SGCZ: variants seen among roughly 807,000 people sequenced by gnomAD.
The protein encoded by SGCZ is sarcoglycan zeta.
Under a neutral mutation model 41.3 loss-of-function variants are expected in SGCZ, and 40 were observed. The observed-to-expected ratio is 0.97, with a 90% CI of 0.75 to 1.26. SGCZ has a LOEUF of 1.26. Among genes scored for constraint, SGCZ ranks in the 50% most tolerant of loss-of-function variants. The pLI is 0.00. For missense variants in SGCZ, 552 were observed against 369.8 expected (o/e 1.49, Z -4.04); for synonymous variants, 206 against 137.5 (o/e 1.50, Z -3.49).
intron 1 of SGCZ, among the ~76,000 whole-genome samples, chr8:14,965,317 A>C (rs17120656): frequency 0.03 from 4,629 of 152,162 alleles, 235 homozygotes; most frequent in African/African-American, 0.1. Context: ...CACTTTTCCT[A>C]GAGTGAAGTT....
intron 1 of SGCZ, among the ~76,000 whole-genome samples, chr8:15,177,634 T>C (rs1450565345): frequency 2.6e-5 from 4 of 152,204 alleles, no homozygotes; most frequent in African/African-American, 9.6e-5. Context: ...GTAAGGTCAA[T>C]ATTCAAAGCA....
At chr8:14,484,886 A>G (rs930191306) in intron 2 of SGCZ, among the ~76,000 whole-genome samples, 4 of 152,182 alleles carry the variant, frequency 2.6e-5, no homozygotes, top group African/African-American at 9.6e-5. Context: ...AATAAGATAA[A>G]TTAAATGCTT....
chr8:14,940,184 T>G (rs1800223287), intron 1 of SGCZ, among the ~76,000 whole-genome samples: 1 of 152,144 alleles, frequency 6.6e-6, no homozygotes, highest in African/African-American at 2.4e-5. Context: ...TCTTCAGATT[T>G]ATACCAGGCA....
chr8:14,244,298 G>A (rs1218686369), intron 3 of SGCZ, among the ~76,000 whole-genome samples: 3 of 149,828 alleles, frequency 2.0e-5, no homozygotes, highest in African/African-American at 7.4e-5. Flanking sequence ...TTCTTCCCCA[G>A]AGCAAGGTTG....
intron 1 of SGCZ, among the ~76,000 whole-genome samples, chr8:15,173,334 A>G (rs1360210204): frequency 2.0e-5 from 3 of 152,206 alleles, no homozygotes; most frequent in Admixed American, 6.5e-5. Context: ...CACTGTACCC[A>G]CTGGAGCAAC....
intron 1 of SGCZ, among the ~76,000 whole-genome samples, chr8:14,759,336 T>C (rs888165759): frequency 1.4e-4 from 17 of 120,638 alleles, no homozygotes; most frequent in Non-Finnish European, 1.0e-4. Context: ...AAAATAGTTT[T>C]AGCCTCAACA....
chr8:15,131,253 A>T (rs1335177648), intron 1 of SGCZ, among the ~76,000 whole-genome samples: 1 of 152,176 alleles, frequency 6.6e-6, no homozygotes, highest in Non-Finnish European at 1.5e-5. Context: ...CTGAACCATC[A>T]GGATGGTTTC....
At chr8:15,197,852 C>T (rs2117126515) in intron 1 of SGCZ, among the ~76,000 whole-genome samples, 1 of 151,786 alleles carries the variant, frequency 6.6e-6, no homozygotes, top group East Asian at 1.9e-4. Context: ...TACGCACACA[C>T]ATACCAATAT....
At chr8:14,868,596 GT>G (rs1271442724) in intron 1 of SGCZ, among the ~76,000 whole-genome samples, 1 of 152,050 alleles carries the variant, frequency 6.6e-6, no homozygotes, top group Non-Finnish European at 1.5e-5. Flanking sequence ...TCTGAAATTT[GT>G]TTTACATGTA....
At chr8:15,062,419 A>C (rs924926845) in intron 1 of SGCZ, among the ~76,000 whole-genome samples, 4 of 152,172 alleles carry the variant, frequency 2.6e-5, no homozygotes, top group Non-Finnish European at 5.9e-5. Context: ...GTCTGTCTGT[A>C]CATTTCTAGA....
At chr8:14,806,849 C>G (rs1389764000) in intron 1 of SGCZ, among the ~76,000 whole-genome samples, 4 of 151,484 alleles carry the variant, frequency 2.6e-5, no homozygotes, top group East Asian at 2.0e-4. Flanking sequence ...ACTGGCAAAA[C>G]GAATCCAGCA....
At chr8:14,218,171 T>G (rs1381745704) in intron 4 of SGCZ, among the ~76,000 whole-genome samples, 2 of 152,144 alleles carry the variant, frequency 1.3e-5, no homozygotes, top group Non-Finnish European at 2.9e-5. Context: ...TAAATAAAAT[T>G]ACTTCTTTCA....
At chr8:15,091,209 T>C (rs1011852843) in intron 1 of SGCZ, among the ~76,000 whole-genome samples, 1 of 152,172 alleles carries the variant, frequency 6.6e-6, no homozygotes, top group South Asian at 2.1e-4. Context: ...CTTTTACAGA[T>C]GGGCCCTCAT....
chr8:14,867,047 T>C (rs1803957139), intron 1 of SGCZ, among the ~76,000 whole-genome samples: 1 of 152,120 alleles, frequency 6.6e-6, no homozygotes, highest in Non-Finnish European at 1.5e-5. Context: ...AAGGTGTTTT[T>C]TGTTCTCAAT....
At chr8:14,389,787 AT>A (rs1365862227) in intron 2 of SGCZ, among the ~76,000 whole-genome samples, 6 of 152,148 alleles carry the variant, frequency 3.9e-5, no homozygotes, top group African/African-American at 7.2e-5. Flanking sequence ...TTTAAAAAAA[AT>A]AACTATGACT....
At chr8:14,690,643 A>T (rs1348157010) in intron 1 of SGCZ, 1 of 152,190 alleles carries the variant, frequency 6.6e-6, no homozygotes, top group African/African-American at 2.4e-5. Flanking sequence ...CATTTAACCT[A>T]AACTGATGCA....
chr8:14,879,866 G>C (rs1804518888), intron 1 of SGCZ: 1 of 151,278 alleles, frequency 6.6e-6, no homozygotes, highest in South Asian at 2.1e-4. Context: ...TTGAGACAGA[G>C]TCTCGCTCTT....
intron 3 of SGCZ, among the ~76,000 whole-genome samples, chr8:14,249,299 A>C (rs1799206277): frequency 6.6e-6 from 1 of 152,148 alleles, no homozygotes; most frequent in Non-Finnish European, 1.5e-5. Context: ...TTTGATTTTC[A>C]GGCCTTCATG....
intron 1 of SGCZ, among the ~76,000 whole-genome samples, chr8:14,818,437 A>G (rs926743885): frequency 1.3e-5 from 2 of 152,172 alleles, no homozygotes; most frequent in Non-Finnish European, 2.9e-5. Flanking sequence ...CCAACATACC[A>G]TAACAAATCG....
Sources: allele counts gnomAD v4.1 joint callset (sites outside exome capture counted in the v4.1 genomes callset), GRCh38; gene constraint gnomAD v4.1.1; transcripts MANE v1.5; gene names NCBI Gene and HGNC (gene_info 2026-07-23, HGNC 2026-07-21).